The following PEAK1 variants were observed in gnomAD, a reference collection of about 807,000 sequenced individuals.
The protein encoded by PEAK1 is pseudopodium enriched atypical kinase 1.
Under a neutral mutation model 124.7 loss-of-function variants are expected in PEAK1, and 54 were observed. That is an observed-to-expected ratio of 0.43 (90% confidence interval 0.35 to 0.54). PEAK1 has a LOEUF of 0.54. Among genes scored for constraint, PEAK1 ranks in the 20% least tolerant of loss-of-function variants. PEAK1 has a pLI of 0.01. For missense variants in PEAK1, 2,046 were observed against 2,134.5 expected (o/e 0.96, Z 0.82); for synonymous variants, 719 against 760.0 (o/e 0.95, Z 0.89).
At position 77,115,295 on chromosome 15, in the gene PEAK1, A is replaced by C; in HGVS notation, c.4102T>G (p.Ser1368Ala). The change falls in exon 10 of 10, where the codon TCT becomes GCT. Residue 1368 changes from serine to alanine, a missense_variant. Transcript: ENST00000682557. ...VKICKSKAKE[S>A]QQYYHSLAVR... Reference sequence around the variant, plus strand: ...GCCAAGCTGTGATAATACTGCTGAGATTCTTTAGCTTTGCTCTTACAGATC... The same window carrying C: ...GCCAAGCTGTGATAATACTGCTGAGCTTCTTTAGCTTTGCTCTTACAGATC... 6.2e-7 allele frequency: 1 copy of C among 1,613,440 alleles called. No individual in the cohort carries two copies. Among genetic ancestry groups the C allele is most frequent in the Non-Finnish European group, 8.5e-7 (1 of 1,179,402 alleles).
chr15:77,380,160 T>C (rs2069357206), intron 1 of PEAK1, among the ~76,000 whole-genome samples: 1 of 152,206 alleles, frequency 6.6e-6, no homozygotes, highest in South Asian at 2.1e-4. Flanking sequence ...TTCCTTTTCT[T>C]CCACCAAAAG....
chr15:77,181,256 C>T lies in PEAK1; in HGVS notation c.671G>A (p.Arg224Gln), dbSNP rs995291739. Residue 224 changes from arginine to glutamine, a missense_variant, in exon 7 of 10, where the codon CGG becomes CAG. Transcript: ENST00000682557. ...ACTGGAAAACTCTGGGTAACAGAAC[C>T]GGCCCCCTTCATTACTAATCACTTC... Reference protein sequence around the residue: ...STEVISNEGGRFCYPEFSSGE... With the variant: ...STEVISNEGGQFCYPEFSSGE... 6.2e-6 allele frequency: 10 copies of T among 1,613,732 alleles called. No individual in the cohort carries two copies. Among genetic ancestry groups the T allele is most frequent in the African/African-American group, 4.0e-5 (3 of 74,916 alleles).
chr15:77,181,905 T>C lies in PEAK1; in HGVS notation c.22A>G (p.Thr8Ala). The C allele has an allele frequency of 6.3e-7, 1 of 1,576,748 alleles. No individual in the cohort carries two copies. Among genetic ancestry groups the C allele is most frequent in the African/African-American group, 1.4e-5 (1 of 73,492 alleles). MSACNTF[T>A]EHVWKPGECK... ...TCACCAGGTTTCCAAACATGTTCAG[T>C]AAAGGTGTTACAAGCAGACATTTTT... is the stretch of plus-strand genomic sequence containing the variant. The change falls in exon 7 of 10, where the codon ACT becomes GCT. Residue 8 changes from threonine to alanine, a missense_variant. Thr to Ala is a moderately conservative substitution (Grantham distance 58). Transcript: ENST00000682557.
intron 6 of PEAK1, among the ~76,000 whole-genome samples, chr15:77,245,294 G>T (rs571477601): frequency 5.0e-4 from 76 of 151,874 alleles, no homozygotes; most frequent in Non-Finnish European, 9.4e-4. Flanking sequence ...AGTCAAGGTT[G>T]CAGTGAGCCA....
chr15:77,388,431 A>G (rs2070146374), intron 1 of PEAK1, among the ~76,000 whole-genome samples: 1 of 152,184 alleles, frequency 6.6e-6, no homozygotes, highest in Admixed American at 6.5e-5. Flanking sequence ...TGCAGTTGCT[A>G]TTCAGTGTCT....
intron 4 of PEAK1, among the ~76,000 whole-genome samples, chr15:77,284,428 A>G (rs1223309153): frequency 1.3e-5 from 2 of 152,198 alleles, no homozygotes; most frequent in Admixed American, 1.3e-4. Context: ...AATGTATGAA[A>G]ACAGGTTAAG....
In PEAK1 at chr15:77,245,842, G is replaced by A. The variant is rs560253197; in HGVS notation, c.-115+6525C>T. ...TTACAGATCTATTTACCCTTTTAAC[G>A]ACAATATACTGCTCAAGTACTGCAG... On this transcript the variant is annotated intron_variant, in intron 6 of 9. Transcript: ENST00000682557. Among the ~76,000 whole-genome samples the A allele has an allele frequency of 7.2e-5, 11 of 152,116 alleles. No homozygotes were observed. The South Asian group carries it at 1.0e-3, about 14-fold the overall frequency.
chr15:77,319,971 A>C (rs888622937), intron 2 of PEAK1, among the ~76,000 whole-genome samples: 2 of 152,216 alleles, frequency 1.3e-5, no homozygotes, highest in Non-Finnish European at 2.9e-5. Context: ...ATTTTATTAT[A>C]AATAACAAAA....
chr15:77,296,505 T>C (rs1324916315), intron 2 of PEAK1, among the ~76,000 whole-genome samples: 1 of 151,444 alleles, frequency 6.6e-6, no homozygotes, highest in Non-Finnish European at 1.5e-5. Context: ...TCCCAGCTAC[T>C]TGGGAGGCTG....
intron 6 of PEAK1, among the ~76,000 whole-genome samples, chr15:77,220,520 C>CAA (rs34013493): frequency 4.4e-3 from 339 of 76,792 alleles, no homozygotes; most frequent in South Asian, 7.7e-3. Context: ...AGCTAAAATT[C>CAA]AAAAAAAAAA....
chr15:77,266,548 C>G (rs1031783875), intron 5 of PEAK1, among the ~76,000 whole-genome samples: 1 of 152,154 alleles, frequency 6.6e-6, no homozygotes, highest in Non-Finnish European at 1.5e-5. Context: ...TGCAAAATCT[C>G]ATGACATAAT....
intron 6 of PEAK1, among the ~76,000 whole-genome samples, chr15:77,251,009 C>T (rs1202212612): frequency 5.3e-5 from 8 of 152,166 alleles, no homozygotes; most frequent in African/African-American, 1.9e-4. Flanking sequence ...GAACATGATG[C>T]TATTTGATTG....
chr15:77,314,347 C>T (rs1186707040), intron 2 of PEAK1, among the ~76,000 whole-genome samples: 1 of 151,844 alleles, frequency 6.6e-6, no homozygotes, highest in East Asian at 1.9e-4. Flanking sequence ...TGACCTCAAC[C>T]CTGTAATATA....
Position 77,116,943 on chromosome 15 carries a change from A to G in PEAK1, c.4078-1624T>C, listed in dbSNP as rs927452811. ...CTCTCGAAGTCTTAGTATATGCAGT[A>G]TAATATATAATCCTATATGCTCATC... is the stretch of plus-strand genomic sequence containing the variant. On this transcript the variant is annotated intron_variant, in intron 9 of 9. Transcript: ENST00000682557. 1.6e-4 allele frequency among the ~76,000 whole-genome samples: 25 copies of G among 152,342 alleles called. No homozygotes were observed. The South Asian group carries it at 1.9e-3, about 11-fold the overall frequency.
chr15:77,287,534 G>T lies in PEAK1; in HGVS notation c.-602-1030C>A, dbSNP rs144449284. 5.1e-4 allele frequency among the ~76,000 whole-genome samples: 77 copies of T among 152,258 alleles called. No homozygotes were observed. In the East Asian group the frequency reaches 0.014, roughly 27 times the overall value. ...TTAATAGTAATTAGGCAAAGACATAGAACTTCTTCCTTCCCAGTTTCCTTT... is the reference window on the plus strand; with the variant it reads ...TTAATAGTAATTAGGCAAAGACATATAACTTCTTCCTTCCCAGTTTCCTTT... On this transcript the variant is annotated intron_variant, in intron 2 of 9. Transcript: ENST00000682557.
intron 8 of PEAK1, among the ~76,000 whole-genome samples, chr15:77,141,788 C>G (rs1277075150): frequency 6.6e-6 from 1 of 152,096 alleles, no homozygotes; most frequent in African/African-American, 2.4e-5. Context: ...AGAACAGTTT[C>G]AAGCAAAATA....
chr15:77,305,330 TAAC>T (rs1217329426), intron 2 of PEAK1, among the ~76,000 whole-genome samples: 4 of 152,050 alleles, frequency 2.6e-5, no homozygotes, highest in African/African-American at 7.2e-5. Flanking sequence ...GTCCTCCATA[TAAC>T]AACAAGGAAA....
intron 2 of PEAK1, chr15:77,350,435 G>A (rs2067137410): frequency 1.3e-5 from 13 of 985,338 alleles, no homozygotes; most frequent in Non-Finnish European, 1.6e-5. Flanking sequence ...AATGTAGCAA[G>A]CTTTCCACTG....
chr15:77,377,568 C>G (rs144443145), intron 1 of PEAK1, among the ~76,000 whole-genome samples: 2,992 of 151,964 alleles, frequency 0.02, 48 homozygotes, highest in South Asian at 0.033. Flanking sequence ...CTCCCAGGTT[C>G]AAGCGATTCT....
Sources: gnomAD v4.1 joint callset for allele counts (sites outside exome capture counted in the v4.1 genomes callset) on GRCh38, gnomAD v4.1.1 for gene constraint, MANE v1.5 for transcripts, NCBI Gene and HGNC (gene_info 2026-07-23, HGNC 2026-07-21) for gene names.